The following CACNB4 variants were observed in gnomAD, a reference collection of about 807,000 sequenced individuals.
The protein encoded by CACNB4 is voltage-dependent L-type calcium channel subunit beta-4.
A neutral mutation model predicts 71.2 loss-of-function variants in CACNB4; 32 were observed. That is an observed-to-expected ratio of 0.45 (90% CI 0.34 to 0.60). The LOEUF (loss-of-function observed/expected upper bound fraction) is 0.60. Ranked by LOEUF, CACNB4 falls within the 20% of genes least tolerant of loss-of-function variation. The pLI is 0.01. For synonymous variants in CACNB4, 231 were observed against 236.9 expected (o/e 0.97, Z 0.23); for missense variants, 464 against 647.9 (o/e 0.72, Z 3.08).
intron 2 of CACNB4, among the ~76,000 whole-genome samples, chr2:151,915,054 A>G (rs953465847): frequency 1.3e-5 from 2 of 152,202 alleles, no homozygotes; most frequent in African/African-American, 4.8e-5. Context: ...TGGGCTACCC[A>G]GATTCCTCAG....
At chr2:152,014,444 T>C (rs10497092) in intron 2 of CACNB4, among the ~76,000 whole-genome samples, 10,227 of 152,078 alleles carry the variant, frequency 0.067, 1,154 homozygotes, top group African/African-American at 0.23. Context: ...AGAATCATAA[T>C]TTTTGGCTGG....
At chr2:152,045,652 C>CA (rs1386663446) in intron 2 of CACNB4, among the ~76,000 whole-genome samples, 30 of 151,922 alleles carry the variant, frequency 2.0e-4, no homozygotes, top group African/African-American at 7.2e-4. Flanking sequence ...AAAGGTGGAT[C>CA]AAAGTACACC....
chr2:152,044,611 C>T (rs757519615), intron 2 of CACNB4, among the ~76,000 whole-genome samples: 7 of 152,154 alleles, frequency 4.6e-5, no homozygotes, highest in Admixed American at 1.3e-4. Context: ...ATTTATCAAG[C>T]ACATCCTAAT....
chr2:152,070,931 C>T (rs1485052529), intron 2 of CACNB4, among the ~76,000 whole-genome samples: 2 of 152,180 alleles, frequency 1.3e-5, no homozygotes, highest in Admixed American at 1.3e-4. Flanking sequence ...TCACACCCGG[C>T]TAATTTTTGT....
At chr2:152,027,815 T>C (rs1684056777) in intron 2 of CACNB4, among the ~76,000 whole-genome samples, 1 of 126,860 alleles carries the variant, frequency 7.9e-6, no homozygotes, top group African/African-American at 3.0e-5. Context: ...TTGTTGCCAC[T>C]GCACTCCAGC....
chr2:151,863,247 C>T (rs1484381222), intron 9 of CACNB4, among the ~76,000 whole-genome samples: 4 of 151,638 alleles, frequency 2.6e-5, no homozygotes, highest in African/African-American at 7.3e-5. Context: ...TGTATTTTTA[C>T]TACAGATGAG....
intron 2 of CACNB4, among the ~76,000 whole-genome samples, chr2:152,009,251 A>G (rs1434493020): frequency 6.6e-6 from 1 of 152,160 alleles, no homozygotes; most frequent in Non-Finnish European, 1.5e-5. Context: ...AGTAGCTCAA[A>G]GCAGATTGAA....
intron 2 of CACNB4, among the ~76,000 whole-genome samples, chr2:152,025,406 T>G (rs1037254469): frequency 2.6e-5 from 4 of 152,254 alleles, no homozygotes; most frequent in African/African-American, 9.6e-5. Flanking sequence ...ACTGTCTACT[T>G]CAGACAACCT....
intron 2 of CACNB4, among the ~76,000 whole-genome samples, chr2:152,012,218 T>A (rs948608629): frequency 1.3e-5 from 2 of 152,016 alleles, no homozygotes; most frequent in Non-Finnish European, 2.9e-5. Context: ...GCCCCTGAGA[T>A]CCTTCCAGTG....
intron 2 of CACNB4, among the ~76,000 whole-genome samples, chr2:152,023,150 C>T (rs1579148220): frequency 6.6e-6 from 1 of 151,792 alleles, no homozygotes; most frequent in Non-Finnish European, 1.5e-5. Flanking sequence ...AGAGCATGAG[C>T]GAGCACAAAC....
chr2:152,045,589 G>GT (rs760154822), intron 2 of CACNB4, among the ~76,000 whole-genome samples: 89 of 145,990 alleles, frequency 6.1e-4, no homozygotes, highest in Non-Finnish European at 1.2e-3. Flanking sequence ...GGTGAAAATG[G>GT]TAAATGTTAT....
At chr2:152,087,072 C>T (rs190851861) in intron 2 of CACNB4, among the ~76,000 whole-genome samples, 4 of 151,388 alleles carry the variant, frequency 2.6e-5, no homozygotes, top group East Asian at 3.9e-4. Flanking sequence ...ATGGAGGTTG[C>T]GGTGAGCCAA....
chr2:151,927,810 G>T (rs897089628), intron 2 of CACNB4, among the ~76,000 whole-genome samples: 10 of 152,272 alleles, frequency 6.6e-5, no homozygotes, highest in Admixed American at 6.5e-4. Flanking sequence ...GCAAAGAGAG[G>T]CTGATGGGCT....
intron 2 of CACNB4, among the ~76,000 whole-genome samples, chr2:151,923,607 C>T (rs901027885): frequency 6.6e-6 from 1 of 152,230 alleles, no homozygotes. Flanking sequence ...AAATATCAGT[C>T]TTGGCCAGAT....
At chr2:151,858,683 G>A (rs1263937916) in intron 10 of CACNB4, 1 of 152,148 alleles carries the variant, frequency 6.6e-6, no homozygotes, top group Non-Finnish European at 1.5e-5. Context: ...CCAACACATT[G>A]GCCTCAATCT....
chr2:151,958,507 C>T (rs2099868883), intron 2 of CACNB4, among the ~76,000 whole-genome samples: 1 of 152,206 alleles, frequency 6.6e-6, no homozygotes, highest in Admixed American at 6.5e-5. Flanking sequence ...GAAAAGATAT[C>T]AGAAGAAATG....
intron 2 of CACNB4, among the ~76,000 whole-genome samples, chr2:151,951,290 T>C (rs1416387662): frequency 6.9e-6 from 1 of 145,718 alleles, no homozygotes; most frequent in African/African-American, 2.5e-5. Context: ...TTCTAAAAAT[T>C]AAAAAAAAAA....
At chr2:152,025,169 T>C (rs1028057662) in intron 2 of CACNB4, among the ~76,000 whole-genome samples, 4 of 152,376 alleles carry the variant, frequency 2.6e-5, no homozygotes, top group East Asian at 1.9e-4. Flanking sequence ...AGCTTATCTA[T>C]TGCTAGACAG....
At chr2:152,074,942 T>C (rs1686925661) in intron 2 of CACNB4, among the ~76,000 whole-genome samples, 2 of 152,090 alleles carry the variant, frequency 1.3e-5, no homozygotes, top group Admixed American at 1.3e-4. Flanking sequence ...ATTACCATCA[T>C]CACTCTAGGA....
Sources: gnomAD v4.1 joint callset for allele counts (sites outside exome capture counted in the v4.1 genomes callset) on GRCh38, gnomAD v4.1.1 for gene constraint, MANE v1.5 for transcripts, NCBI Gene and HGNC (gene_info 2026-07-23, HGNC 2026-07-21) for gene names.